Variants in MYT1L observed in about 807,000 individuals in gnomAD.
MYT1L encodes myelin transcription factor 1-like protein.
A neutral mutation model predicts 126.7 loss-of-function variants in MYT1L; 12 were observed. That is an observed-to-expected ratio of 0.09 (90% CI 0.06 to 0.15). MYT1L has a LOEUF of 0.15. Ranked by LOEUF, MYT1L falls within the 10% of genes least tolerant of loss-of-function variation. The pLI is 1.00. For synonymous variants in MYT1L, 541 were observed against 604.2 expected, an observed-to-expected ratio of 0.90 and a Z score of 1.53; for missense variants, 979 against 1,585.2, an observed-to-expected ratio of 0.62 and a Z score of 6.49.
chr2:1,941,903 AAGG>A (rs1166624585), intron 9 of MYT1L, among the ~76,000 whole-genome samples: 1 of 152,164 alleles, frequency 6.6e-6, no homozygotes, highest in African/African-American at 2.4e-5. Context: ...CTGACTTCTG[AAGG>A]AGGAGTGGTA....
intron 3 of MYT1L, among the ~76,000 whole-genome samples, chr2:2,152,855 G>T (rs925379328): frequency 6.6e-6 from 1 of 152,224 alleles, no homozygotes; most frequent in Admixed American, 6.5e-5. Context: ...CAGGGATGAG[G>T]GTGTGAATGT....
intron 3 of MYT1L, among the ~76,000 whole-genome samples, chr2:2,159,597 A>G (rs975963663): frequency 1.3e-5 from 2 of 152,068 alleles, no homozygotes; most frequent in Non-Finnish European, 2.9e-5. Context: ...ATTGCCGACT[A>G]GGAGGTGGCC....
chr2:2,120,252 T>G (rs2080807832), intron 3 of MYT1L, among the ~76,000 whole-genome samples: 1 of 152,114 alleles, frequency 6.6e-6, no homozygotes, highest in Non-Finnish European at 1.5e-5. Context: ...GAGTGGTCGC[T>G]GCCCTTGCAA....
In MYT1L at chr2:1,935,230, T is replaced by C. The variant is rs554301823; in HGVS notation, c.505+7752A>G. ...GCTTTGTATTTTTTATATACACACC[T>C]CTTCCATACTGTATTATGTATTTCT... On this transcript the variant is annotated intron_variant, in intron 9 of 24. Coordinates refer to ENST00000647738, the MANE Select transcript of MYT1L (RefSeq NM_001303052.2). Among the ~76,000 whole-genome samples, 242 of 152,358 alleles carry C rather than the reference T, an allele frequency of 1.6e-3. 1 individual carries two copies. Among genetic ancestry groups the C allele is most frequent in the Non-Finnish European group, 2.6e-3 (178 of 68,032 alleles).
chr2:1,869,561 G>A (rs984177529), intron 18 of MYT1L, among the ~76,000 whole-genome samples: 25 of 152,320 alleles, frequency 1.6e-4, no homozygotes, highest in East Asian at 7.7e-4. Flanking sequence ...CCCTGGTTTC[G>A]GGGAGAAGCA....
At chr2:2,251,911 AAAAG>A (rs576040141) in intron 2 of MYT1L, among the ~76,000 whole-genome samples, 68 of 151,966 alleles carry the variant, frequency 4.5e-4, no homozygotes, top group Middle Eastern at 3.4e-3. Context: ...AAAGAAAAGA[AAAAG>A]AAAGAAAGAA....
intron 8 of MYT1L, among the ~76,000 whole-genome samples, chr2:1,962,878 C>T (rs183392425): frequency 5.3e-5 from 8 of 152,280 alleles, no homozygotes; most frequent in African/African-American, 1.7e-4. Flanking sequence ...CCCTCAAAGT[C>T]GTCCATGAGG....
chr2:2,204,389 T>A (rs1205664473), intron 2 of MYT1L, among the ~76,000 whole-genome samples: 1 of 150,754 alleles, frequency 6.6e-6, no homozygotes, highest in Non-Finnish European at 1.5e-5. Flanking sequence ...ATCCAGAATC[T>A]ACAATGAACT....
In MYT1L at chr2:1,943,133, C is replaced by T. The variant is rs369948621; in HGVS notation, c.354G>A (p.Gly118=). 1.7e-5 allele frequency: 26 copies of T among 1,526,682 alleles called. No homozygotes were observed. The African/African-American group carries it at 2.6e-4, about 15-fold the overall frequency. 94.6% of individuals were successfully genotyped at this position (1,526,682 alleles called of 1,614,324 possible). Residue 118 remains glycine, a synonymous_variant, in exon 9 of 25, where the codon GGG becomes GGA. Coordinates refer to ENST00000647738, the MANE Select transcript of MYT1L (RefSeq NM_001303052.2). This position sits in a 1 kb window ranked among gnomAD's most constrained non-coding sequence, Gnocchi z 4.4. ...CCTCCTCGTCCTCCTCGTCCTCATCCCCTGGCTCATCATTGTCCTCGGAGT... is the reference window on the plus strand; with the variant it reads ...CCTCCTCGTCCTCCTCGTCCTCATCTCCTGGCTCATCATTGTCCTCGGAGT... ...EEYSEDNDEP[G]DEDEEDEEGD...
At chr2:2,066,615 G>A (rs1021951697) in intron 3 of MYT1L, among the ~76,000 whole-genome samples, 11 of 152,184 alleles carry the variant, frequency 7.2e-5, no homozygotes, top group African/African-American at 2.2e-4. Flanking sequence ...GCCAAGAAAC[G>A]AAGAAAACAG....
chr2:1,880,433 G>A (rs1486921233), intron 18 of MYT1L, among the ~76,000 whole-genome samples: 1 of 152,160 alleles, frequency 6.6e-6, no homozygotes, highest in Admixed American at 6.5e-5. Context: ...TGCCTCCCGG[G>A]TTCCAGTGAT....
chr2:1,899,194 G>A (rs928560116), intron 14 of MYT1L, among the ~76,000 whole-genome samples: 3 of 152,300 alleles, frequency 2.0e-5, no homozygotes, highest in South Asian at 2.1e-4. Flanking sequence ...CAAATGTTTC[G>A]GCTTTGGGAA....
chr2:2,043,002 G>A (rs768522497), intron 4 of MYT1L, among the ~76,000 whole-genome samples: 7 of 152,162 alleles, frequency 4.6e-5, no homozygotes, highest in Non-Finnish European at 1.0e-4. Flanking sequence ...CTCTGGACCA[G>A]TCTTCCTCTG....
chr2:2,252,954 C>T (rs2094694386), intron 2 of MYT1L, among the ~76,000 whole-genome samples: 1 of 152,108 alleles, frequency 6.6e-6, no homozygotes, highest in African/African-American at 2.4e-5. Context: ...CATCTACAGT[C>T]AAGGAAGTAA....
At chr2:2,047,266 T>C (rs2068298713) in intron 4 of MYT1L, among the ~76,000 whole-genome samples, 1 of 152,248 alleles carries the variant, frequency 6.6e-6, no homozygotes, top group Non-Finnish European at 1.5e-5. Context: ...TTCATTTCAC[T>C]TGGCCATATT....
intron 9 of MYT1L, among the ~76,000 whole-genome samples, chr2:1,930,098 A>T (rs2054753205): frequency 6.6e-6 from 1 of 152,174 alleles, no homozygotes; most frequent in African/African-American, 2.4e-5. Flanking sequence ...TCCACTCAAG[A>T]AGAACCCTTC....
chr2:2,081,436 T>C (rs547006324), intron 3 of MYT1L, among the ~76,000 whole-genome samples: 10 of 152,316 alleles, frequency 6.6e-5, no homozygotes, highest in African/African-American at 2.4e-4. Context: ...GCTTTCTCAA[T>C]GGTACTGATA....
At chr2:2,145,518 C>T (rs1329647973) in intron 3 of MYT1L, among the ~76,000 whole-genome samples, 1 of 151,842 alleles carries the variant, frequency 6.6e-6, no homozygotes, top group East Asian at 1.9e-4. Context: ...GTCCACAAGG[C>T]CAGATTTAAA....
chr2:2,083,964 G>T (rs185411797), intron 3 of MYT1L, among the ~76,000 whole-genome samples: 1 of 151,040 alleles, frequency 6.6e-6, no homozygotes, highest in Non-Finnish European at 1.5e-5. Flanking sequence ...AGTTCTTAGA[G>T]GGAGGGAGAC....
Sources: gnomAD v4.1 joint callset for allele counts (sites outside exome capture counted in the v4.1 genomes callset) on GRCh38, gnomAD v4.1.1 for gene constraint, Gnocchi (gnomAD v3.1) non-coding constraint, MANE v1.5 for transcripts, NCBI Gene and HGNC (gene_info 2026-07-23, HGNC 2026-07-21) for gene names.